LVRN: variants seen among roughly 807,000 people sequenced by gnomAD.
The protein encoded by LVRN is laeverin.
Under a neutral mutation model 111.4 loss-of-function variants are expected in LVRN, and 99 were observed. That is an observed-to-expected ratio of 0.89 (90% CI 0.76 to 1.05). LVRN has a LOEUF of 1.05. LVRN is among the 50% of genes least tolerant of loss of function. The pLI is 0.00. For synonymous variants in LVRN, 488 were observed against 449.5 expected, an observed-to-expected ratio of 1.09 and a Z score of -1.08; for missense variants, 1,414 against 1,206.8, an observed-to-expected ratio of 1.17 and a Z score of -2.54.
In LVRN at chr5:116,002,837, A is replaced by C. The variant is rs145746383; in HGVS notation, c.1823A>C (p.Asp608Ala). The C allele has an allele frequency of 3.7e-3, 5,891 of 1,601,416 alleles. 17 individuals are homozygous for C. Among genetic ancestry groups the C allele is most frequent in the Non-Finnish European group, 4.7e-3 (5,462 of 1,170,336 alleles). The change falls in exon 11 of 20, where the codon GAC (aspartate) becomes GCC (alanine). Residue 608 changes from aspartate to alanine, a missense_variant and splice_region_variant. Asp to Ala is a moderately radical substitution (Grantham distance 126). Coordinates refer to ENST00000357872, the MANE Select transcript of LVRN (RefSeq NM_173800.5). ...TTTTTTTATTTTCTTCCAATAAGTG[A>C]CACATGGATTGTCCCTATTCTTTGG... The part of the protein sequence containing the change: ...IKNRTLLTSN[D>A]TWIVPILWIK...
rs759965911 is a variant in LVRN, at chr5:115,999,812, C to T, written c.1425C>T (p.His475=). The part of the protein sequence containing the change: ...NILHNILRED[H]ALVTRAVAMK... ...TACATAATATCCTCAGAGAAGATCA[C>T]GCCCTGGTGACTAGAGCTGTGGCCA... is the stretch of plus-strand genomic sequence containing the variant. Residue 475 remains histidine (H), a synonymous_variant, in exon 7 of 20, where the codon CAC becomes CAT. Transcript: ENST00000357872. 2.0e-5 allele frequency: 32 copies of T among 1,613,038 alleles called. 1 individual carries two copies. The highest frequency in any genetic ancestry group is 1.1e-4 in the East Asian group (5 of 44,862).
intron 13 of LVRN, among the ~76,000 whole-genome samples, chr5:116,009,497 G>A (rs949249044): frequency 3.9e-5 from 6 of 152,076 alleles, no homozygotes; most frequent in African/African-American, 1.4e-4. Flanking sequence ...GATGAATCTG[G>A]CCAAAGTAAA....
At chr5:116,013,664 T>A (rs553657438) in intron 15 of LVRN, among the ~76,000 whole-genome samples, 1 of 152,014 alleles carries the variant, frequency 6.6e-6, no homozygotes, top group Non-Finnish European at 1.5e-5. Context: ...CCAGGCTGGG[T>A]TGAAACTGGA....
intron 4 of LVRN, among the ~76,000 whole-genome samples, chr5:115,989,549 T>C (rs1274763182): frequency 1.3e-5 from 2 of 152,198 alleles, no homozygotes; most frequent in East Asian, 3.8e-4. Flanking sequence ...TCATTAGACC[T>C]CGGAGTTAGG....
chr5:116,002,748 G>C, intron 10 of LVRN, 87 bp from the exon 11 acceptor site: 2 of 943,132 alleles, frequency 2.1e-6, no homozygotes, highest in Admixed American at 5.0e-5. Flanking sequence ...AGTTCTGTGT[G>C]CTATTTCATC....
intron 13 of LVRN, among the ~76,000 whole-genome samples, chr5:116,007,622 T>C (rs761142080): frequency 2.0e-5 from 3 of 152,192 alleles, no homozygotes; most frequent in Non-Finnish European, 4.4e-5. Context: ...ATCTCTTCAT[T>C]GAAGCTCCTC....
intron 6 of LVRN, among the ~76,000 whole-genome samples, chr5:115,999,469 G>A (rs994515017): frequency 6.6e-6 from 1 of 152,144 alleles, no homozygotes; most frequent in African/African-American, 2.4e-5. Context: ...TCTCAGGATG[G>A]CCATGGACCT....
chr5:115,995,199 T>C (rs890497116), intron 6 of LVRN, among the ~76,000 whole-genome samples: 3 of 152,240 alleles, frequency 2.0e-5, no homozygotes, highest in African/African-American at 4.8e-5. Context: ...CCTTTTTTTA[T>C]GAAAATTGAT....
chr5:116,000,384 T>C lies in LVRN; in HGVS notation c.1516-49T>C, dbSNP rs767486508. On this transcript the variant is annotated intron_variant, in intron 7 of 19. Coordinates refer to ENST00000357872, the MANE Select transcript of LVRN (RefSeq NM_173800.5). ...CTTATAAATATGGAATGTGTCAGTA[T>C]GTGGATATTGAATTTTGTTCAAATA... The C allele has an allele frequency of 2.5e-6, 4 of 1,583,786 alleles. No individual in the cohort carries two copies. The South Asian group carries it at 3.3e-5, about 13-fold the overall frequency.
At position 115,993,737 on chromosome 5, in the gene LVRN, A is replaced by C. The variant is rs373564784; in HGVS notation, c.1261-4A>C. ...AGCTCTTTTTTTCTTCTCATTTCCA[A>C]AAGTGGTTTGGAAACTTGGTTACCA... On this transcript the variant is annotated splice_region_variant and splice_polypyrimidine_tract_variant and intron_variant, in intron 5 of 19. Coordinates refer to ENST00000357872, the MANE Select transcript of LVRN (RefSeq NM_173800.5). 8 of 1,588,116 alleles carry C rather than the reference A, an allele frequency of 5.0e-6. No homozygotes were observed. The highest frequency in any genetic ancestry group is 1.8e-5 in the Admixed American group (1 of 55,490).
intron 10 of LVRN, 85 bp downstream of exon 10, chr5:116,001,324 G>A (rs962636010): frequency 3.0e-5 from 44 of 1,456,648 alleles, no homozygotes; most frequent in South Asian, 1.2e-4. Flanking sequence ...GTGAAGAAGC[G>A]TTACCCCCGC....
At chr5:115,963,834 C>T (rs1260003763) in intron 1 of LVRN, among the ~76,000 whole-genome samples, 3 of 152,184 alleles carry the variant, frequency 2.0e-5, no homozygotes, top group Non-Finnish European at 4.4e-5. Flanking sequence ...CTGCTCATCC[C>T]GTTTGTTTCT....
At chr5:115,988,355 A>G (rs1433145577) in intron 4 of LVRN, among the ~76,000 whole-genome samples, 2 of 150,520 alleles carry the variant, frequency 1.3e-5, no homozygotes, top group Non-Finnish European at 2.9e-5. Flanking sequence ...TTAAATATCC[A>G]TTAGCTGTGA....
chr5:115,999,620 C>T, intron 6 of LVRN, 142 bp from the exon 7 acceptor site: 3 of 797,774 alleles, frequency 3.8e-6, no homozygotes. Context: ...CTTTATTTGG[C>T]ATATTTCAAC....
intron 1 of LVRN, among the ~76,000 whole-genome samples, chr5:115,973,578 TC>T: frequency 6.6e-6 from 1 of 152,350 alleles, no homozygotes; most frequent in East Asian, 1.9e-4. Context: ...CTTAAATTTA[TC>T]TAATAGATAC....
At chr5:115,979,153 G>T (rs1753510696) in intron 1 of LVRN, among the ~76,000 whole-genome samples, 1 of 152,060 alleles carries the variant, frequency 6.6e-6, no homozygotes, top group Admixed American at 6.6e-5. Context: ...CTCTTGCAAG[G>T]AATGCTCATG....
intron 1 of LVRN, among the ~76,000 whole-genome samples, chr5:115,965,250 T>C (rs1286926548): frequency 6.6e-6 from 1 of 152,198 alleles, no homozygotes; most frequent in East Asian, 1.9e-4. Flanking sequence ...CTGGTATATA[T>C]GAGTCTAAGA....
chr5:115,975,305 T>A, intron 1 of LVRN: 1 of 333,686 alleles, frequency 3.0e-6, no homozygotes, highest in Non-Finnish European at 5.7e-6. Flanking sequence ...ACAAAGTTAT[T>A]CATTTGCAGA....
In LVRN at chr5:115,981,675, AT is replaced by A. The variant is rs1373466176; in HGVS notation, c.696-1610del. Among the ~76,000 whole-genome samples the A allele has an allele frequency of 2.4e-4, 36 of 152,214 alleles. 1 individual carries two copies. Among genetic ancestry groups the A allele is most frequent in the African/African-American group, 6.7e-4 (28 of 41,548 alleles). The stretch of plus-strand genomic sequence containing the variant: ...TGCTATTAAATACTAGTTATTATTC[AT>A]TCTTTCTAACTGTTTTTCTTTTGGA... On this transcript the variant is annotated intron_variant, in intron 1 of 19. Coordinates refer to ENST00000357872, the MANE Select transcript of LVRN (RefSeq NM_173800.5).
Sources: gnomAD v4.1 joint callset for allele counts (sites outside exome capture counted in the v4.1 genomes callset) on GRCh38, gnomAD v4.1.1 for gene constraint, MANE v1.5 for transcripts, NCBI Gene and HGNC (gene_info 2026-07-23, HGNC 2026-07-21) for gene names.